The following CUL2 variants were observed in gnomAD, a reference collection of about 807,000 sequenced individuals.
The protein encoded by CUL2 is cullin 2.
In CUL2, 22 loss-of-function variants were observed where a neutral mutation model predicts 110.2. The observed-to-expected ratio is 0.20, with a 90% CI of 0.14 to 0.28. The LOEUF (loss-of-function observed/expected upper bound fraction) is 0.28, where lower values mean the gene tolerates loss of function less well. Ranked by LOEUF, CUL2 falls within the 10% of genes least tolerant of loss-of-function variation. The pLI, the probability that CUL2 is intolerant of heterozygous loss-of-function variation, is 1.00. For synonymous variants in CUL2, 279 were observed against 293.2 expected, an observed-to-expected ratio of 0.95 and a Z score of 0.49; for missense variants, 631 against 905.5, an observed-to-expected ratio of 0.70 and a Z score of 3.89.
intron 17 of CUL2, among the ~76,000 whole-genome samples, chr10:35,023,581 C>T (rs1266696601): frequency 6.6e-6 from 1 of 151,426 alleles, no homozygotes; most frequent in Non-Finnish European, 1.5e-5. Context: ...TTATTTTCTT[C>T]TTATACACCA....
At chr10:35,051,082 G>A (rs1280008520) in intron 5 of CUL2, among the ~76,000 whole-genome samples, 1 of 152,158 alleles carries the variant, frequency 6.6e-6, no homozygotes, top group Non-Finnish European at 1.5e-5. Flanking sequence ...TTGGGAGGCT[G>A]AGACGGGCGG....
chr10:35,083,338 T>C (rs1324623639), intron 1 of CUL2, among the ~76,000 whole-genome samples: 3 of 152,066 alleles, frequency 2.0e-5, no homozygotes, highest in Admixed American at 6.6e-5. Flanking sequence ...TACATGCAGA[T>C]AAAAAGATAT....
chr10:35,110,793 T>A lies in CUL2; in HGVS notation c.-50-9733A>T, dbSNP rs544981549. Among the ~76,000 whole-genome samples, 15 of 152,198 alleles carry A rather than the reference T, an allele frequency of 9.9e-5. No homozygotes were observed. In the East Asian group the frequency reaches 2.7e-3, roughly 27 times the overall value. On this transcript the variant is annotated intron_variant, in intron 1 of 5. Transcript: ENST00000685421. ...TATCCCCCTCTTATAATTACACCAG[T>A]CATATGGGATTAAGGTCCTATCCCG...
At chr10:35,012,665 T>C (rs908908199) in intron 19 of CUL2, among the ~76,000 whole-genome samples, 1 of 152,244 alleles carries the variant, frequency 6.6e-6, no homozygotes, top group African/African-American at 2.4e-5. Flanking sequence ...TTATTATTTA[T>C]TAGCCTGGAG....
intron 1 of CUL2, among the ~76,000 whole-genome samples, chr10:35,117,961 C>T (rs936000632): frequency 6.6e-6 from 1 of 152,106 alleles, no homozygotes; most frequent in African/African-American, 2.4e-5. Flanking sequence ...TCATCCCCTC[C>T]CCCATATATG....
intron 15 of CUL2, among the ~76,000 whole-genome samples, 153 bp from the exon 16 acceptor site, chr10:35,029,040 C>G (rs1408494177): frequency 6.6e-6 from 1 of 151,096 alleles, no homozygotes; most frequent in Non-Finnish European, 1.5e-5. Flanking sequence ...ACATTTCATT[C>G]CAAACCAATA....
chr10:35,076,267 T>C (rs900450386), intron 1 of CUL2, among the ~76,000 whole-genome samples: 1 of 151,950 alleles, frequency 6.6e-6, no homozygotes, highest in African/African-American at 2.4e-5. Flanking sequence ...CTAGGGAACT[T>C]GGGGGGAAAA....
intron 1 of CUL2, chr10:35,101,179 A>G (rs748461914): frequency 6.6e-6 from 1 of 152,234 alleles, no homozygotes; most frequent in Non-Finnish European, 1.5e-5. Flanking sequence ...AGAGTCTCAT[A>G]GCCAGTTGGG....
upstream of CUL2, among the ~76,000 whole-genome samples, chr10:35,090,846 A>T (rs1201559463): frequency 1.3e-5 from 2 of 152,246 alleles, no homozygotes; most frequent in Non-Finnish European, 2.9e-5. Context: ...TGGTGCTTTC[A>T]ACAGAAGTAT....
Position 35,039,128 on chromosome 10 carries a change from G to A in CUL2, c.715-46C>T, listed in dbSNP as rs370232235. Reference sequence around the variant, plus strand: ...AGTCATGAACACAAAGTTTTACTATGAGGAAAAATCTGTAATATCAGCAAG... The same window carrying A: ...AGTCATGAACACAAAGTTTTACTATAAGGAAAAATCTGTAATATCAGCAAG... On this transcript the variant is annotated intron_variant, in intron 8 of 20. Coordinates refer to ENST00000374749, the MANE Select transcript of CUL2 (RefSeq NM_003591.4). 15 of 1,299,270 alleles carry A rather than the reference G, an allele frequency of 1.2e-5. No individual in the cohort carries two copies. The African/African-American group carries it at 1.2e-4, about 10-fold the overall frequency. 80.5% of individuals were successfully genotyped at this position (1,299,270 alleles called of 1,614,324 possible).
At chr10:35,113,567 C>CAACATCTG (rs1187985137) in intron 1 of CUL2, among the ~76,000 whole-genome samples, 1 of 131,164 alleles carries the variant, frequency 7.6e-6, no homozygotes, top group East Asian at 2.4e-4. Context: ...GTGAAATTCA[C>CAACATCTG]AACATCTGGC....
intron 17 of CUL2, among the ~76,000 whole-genome samples, chr10:35,018,660 G>A (rs905524942): frequency 2.0e-4 from 30 of 151,352 alleles, no homozygotes; most frequent in African/African-American, 7.1e-4. Flanking sequence ...CTACTCCGGA[G>A]GCTGAGGCAG....
chr10:35,085,554 C>G (rs1323105306), intron 1 of CUL2, among the ~76,000 whole-genome samples: 1 of 151,386 alleles, frequency 6.6e-6, no homozygotes, highest in Admixed American at 6.6e-5. Context: ...ACCATCCTGG[C>G]TAACACGGTG....
At chr10:35,066,307 CT>C (rs915291009) in intron 2 of CUL2, among the ~76,000 whole-genome samples, 340 of 145,358 alleles carry the variant, frequency 2.3e-3, no homozygotes, top group African/African-American at 4.3e-3. Flanking sequence ...AATTTGCTGA[CT>C]TTTTTTTTTT....
At chr10:35,108,350 G>T (rs2087488328) in intron 1 of CUL2, among the ~76,000 whole-genome samples, 1 of 151,534 alleles carries the variant, frequency 6.6e-6, no homozygotes, top group South Asian at 2.1e-4. Context: ...CCAGCTACTT[G>T]GGAGGCTAAG....
chr10:35,096,965 A>G (rs1030145416), intron 2 of CUL2, among the ~76,000 whole-genome samples: 1 of 151,908 alleles, frequency 6.6e-6, no homozygotes, highest in Non-Finnish European at 1.5e-5. Flanking sequence ...GCCTTCCACC[A>G]TACTCGGCTA....
rs1406006595 is a variant in CUL2 at position 35,026,869 on chromosome 10, A to C, written c.1618-1671T>G. 2.0e-5 allele frequency among the ~76,000 whole-genome samples: 3 copies of C among 152,094 alleles called. No individual in the cohort carries two copies. In the East Asian group the frequency reaches 5.8e-4, roughly 29 times the overall value. ...ATTATTATACTTTAAGTTTTAGGGTACATGTGCACAATGTGCAGGTTAGTT... is the reference window on the plus strand; with the variant it reads ...ATTATTATACTTTAAGTTTTAGGGTCCATGTGCACAATGTGCAGGTTAGTT... On this transcript the variant is annotated intron_variant, in intron 16 of 20. Coordinates refer to ENST00000374749, the MANE Select transcript of CUL2 (RefSeq NM_003591.4).
chr10:35,056,686 AT>A (rs2086248242), intron 4 of CUL2, among the ~76,000 whole-genome samples: 1 of 152,168 alleles, frequency 6.6e-6, no homozygotes, highest in South Asian at 2.1e-4. Flanking sequence ...ATACAAACAA[AT>A]ATAAGATTTC....
At chr10:35,126,939 C>T (rs114731270), upstream of CUL2, 4,521 of 152,202 alleles carry the variant, frequency 0.03, 221 homozygotes, top group African/African-American at 0.1. Context: ...CCCGGGAGGC[C>T]GTCCCGGCGT....
Sources: gnomAD v4.1 joint callset for allele counts (sites outside exome capture counted in the v4.1 genomes callset) on GRCh38, gnomAD v4.1.1 for gene constraint, MANE v1.5 for transcripts, NCBI Gene and HGNC (gene_info 2026-07-23, HGNC 2026-07-21) for gene names.